APBA2: variants seen among roughly 807,000 people sequenced by gnomAD.
APBA2 encodes the protein amyloid beta precursor protein binding family A member 2, also known as amyloid-beta A4 precursor protein-binding family A member 2.
A neutral mutation model predicts 75.0 loss-of-function variants in APBA2; 30 were observed. The ratio of observed to expected loss-of-function variants is 0.40; its 90% CI spans 0.30 to 0.54. APBA2 has a LOEUF of 0.54. Among genes scored for constraint, APBA2 ranks in the 20% least tolerant of loss-of-function variants. The pLI, the probability that APBA2 is intolerant of heterozygous loss-of-function variation, is 0.49. For synonymous variants in APBA2, 444 were observed against 409.6 expected (o/e 1.08, Z -1.01); for missense variants, 801 against 1,016.1 (o/e 0.79, Z 2.88).
At chr15:29,087,793 G>A (rs2043357337) in intron 6 of APBA2, among the ~76,000 whole-genome samples, 2 of 152,118 alleles carry the variant, frequency 1.3e-5, no homozygotes, top group Admixed American at 1.3e-4. Flanking sequence ...TGCTGATCTG[G>A]TGGCTCGCCT....
intron 3 of APBA2, among the ~76,000 whole-genome samples, chr15:29,031,847 G>A (rs2040503028): frequency 6.6e-6 from 1 of 152,180 alleles, no homozygotes; most frequent in Non-Finnish European, 1.5e-5. Flanking sequence ...AGTTCTCCAA[G>A]TCCCCACTCA....
intron 2 of APBA2, among the ~76,000 whole-genome samples, chr15:28,953,823 C>T (rs910462802): frequency 6.6e-6 from 1 of 152,134 alleles, no homozygotes; most frequent in East Asian, 1.9e-4. Flanking sequence ...CAGTCCATGC[C>T]CCTCTTCTCC....
intron 2 of APBA2, among the ~76,000 whole-genome samples, chr15:28,957,217 C>T (rs1298071685): frequency 6.6e-5 from 10 of 150,604 alleles, no homozygotes; most frequent in South Asian, 2.1e-4. Flanking sequence ...GGACTACAGG[C>T]GCCCGCCACC....
chr15:28,906,633 TGACACTCTCTGGACATC>T (rs1446053549), intron 1 of APBA2, among the ~76,000 whole-genome samples: 2 of 152,216 alleles, frequency 1.3e-5, no homozygotes, highest in African/African-American at 2.4e-5. Flanking sequence ...GTGTCCCCAC[TGACACTCTCTGGACATC>T]GACACTCTCT....
intron 6 of APBA2, among the ~76,000 whole-genome samples, chr15:29,088,064 C>T (rs527591017): frequency 4.7e-4 from 71 of 152,260 alleles, no homozygotes; most frequent in Admixed American, 1.2e-3. Context: ...ACCTCTCAGC[C>T]CCCTCTCTGG....
intron 3 of APBA2, among the ~76,000 whole-genome samples, chr15:29,007,790 G>A (rs906693234): frequency 1.3e-5 from 2 of 152,178 alleles, no homozygotes; most frequent in African/African-American, 4.8e-5. Flanking sequence ...AATGTAAATG[G>A]TGCAGCCCGT....
chr15:29,044,874 C>T (rs1270645291), intron 3 of APBA2, among the ~76,000 whole-genome samples: 1 of 152,184 alleles, frequency 6.6e-6, no homozygotes, highest in Non-Finnish European at 1.5e-5. Context: ...TTATTTCTCA[C>T]AGCTCTGGAG....
chr15:29,053,793 GC>G, intron 3 of APBA2, 51 bp from the exon 4 acceptor site: 5 of 1,184,808 alleles, frequency 4.2e-6, no homozygotes, highest in Non-Finnish European at 6.0e-6. Context: ...CCCACACATG[GC>G]TGGGCTTTGT....
intron 3 of APBA2, among the ~76,000 whole-genome samples, chr15:28,999,716 C>G (rs528898718): frequency 3.6e-4 from 55 of 152,272 alleles, no homozygotes; most frequent in Admixed American, 6.5e-4. Flanking sequence ...TCAGTTCTCT[C>G]AAAAACAGAA....
At chr15:29,001,771 G>A (rs1408275070) in intron 3 of APBA2, among the ~76,000 whole-genome samples, 1 of 152,056 alleles carries the variant, frequency 6.6e-6, no homozygotes, top group Non-Finnish European at 1.5e-5. Context: ...GTTTTAAGTT[G>A]TACTTTAGAA....
At chr15:28,999,543 G>C (rs1425890248) in intron 3 of APBA2, among the ~76,000 whole-genome samples, 2 of 152,152 alleles carry the variant, frequency 1.3e-5, no homozygotes, top group Non-Finnish European at 2.9e-5. Flanking sequence ...ATAATCGAAG[G>C]GTTGCCCAGA....
At chr15:29,101,901 G>A (rs777921820) in intron 10 of APBA2, 117 bp downstream of exon 10, 1 of 989,542 alleles carries the variant, frequency 1.0e-6, no homozygotes, top group South Asian at 1.4e-5. Context: ...TGTTACTGAT[G>A]TTTCCAGTGG....
chr15:28,921,325 C>A (rs2033958399), intron 1 of APBA2, among the ~76,000 whole-genome samples: 1 of 152,222 alleles, frequency 6.6e-6, no homozygotes, highest in Non-Finnish European at 1.5e-5. Context: ...GCTTAGCATG[C>A]AGCTCTGCTA....
chr15:29,104,420 C>G (rs1228811713), intron 10 of APBA2, among the ~76,000 whole-genome samples: 1 of 152,236 alleles, frequency 6.6e-6, no homozygotes, highest in Non-Finnish European at 1.5e-5. Flanking sequence ...TCCGGGAGCT[C>G]AGTACAGCCC....
intron 3 of APBA2, among the ~76,000 whole-genome samples, chr15:29,011,001 G>A (rs2152814991): frequency 6.6e-6 from 1 of 152,248 alleles, no homozygotes; most frequent in Non-Finnish European, 1.5e-5. Flanking sequence ...CCATTAAACA[G>A]CAACTTCTCA....
intron 2 of APBA2, among the ~76,000 whole-genome samples, chr15:28,956,593 G>A (rs55638519): frequency 0.028 from 4,216 of 152,230 alleles, 76 homozygotes; most frequent in Non-Finnish European, 0.031. Flanking sequence ...TTCACCTTCT[G>A]GAACCATGTT....
chr15:28,937,650 CT>C (rs894565714), intron 2 of APBA2, among the ~76,000 whole-genome samples: 16 of 149,392 alleles, frequency 1.1e-4, no homozygotes, highest in South Asian at 4.3e-4. Flanking sequence ...GATTTAGTTT[CT>C]TTTTTTTTTC....
At chr15:28,942,946 A>T (rs866666323) in intron 2 of APBA2, among the ~76,000 whole-genome samples, 1 of 152,098 alleles carries the variant, frequency 6.6e-6, no homozygotes, top group Non-Finnish European at 1.5e-5. Flanking sequence ...CCTCGTTCTC[A>T]GGGGGGGCTT....
At chr15:28,983,753 C>T (rs1054240556) in intron 2 of APBA2, among the ~76,000 whole-genome samples, 1 of 152,208 alleles carries the variant, frequency 6.6e-6, no homozygotes, top group Admixed American at 6.5e-5. Context: ...GGAGTACGCT[C>T]CTTAGTAGCC....
Sources: gnomAD v4.1 joint callset for allele counts (sites outside exome capture counted in the v4.1 genomes callset) on GRCh38, gnomAD v4.1.1 for gene constraint, MANE v1.5 for transcripts, NCBI Gene and HGNC (gene_info 2026-07-23, HGNC 2026-07-21) for gene names.